Variants in PPP1R9A observed in about 807,000 individuals in gnomAD.
PPP1R9A encodes the protein neurabin-1.
In PPP1R9A, 59 loss-of-function variants were observed where a neutral mutation model predicts 141.9. That is an observed-to-expected ratio of 0.42 (90% confidence interval 0.34 to 0.52). The LOEUF (loss-of-function observed/expected upper bound fraction) is 0.52, where lower values mean the gene tolerates loss of function less well. PPP1R9A is among the 20% of genes least tolerant of loss of function. PPP1R9A has a pLI of 0.10. For missense variants in PPP1R9A, 1,444 were observed against 1,611.9 expected (o/e 0.90, Z 1.78); for synonymous variants, 500 against 569.7 (o/e 0.88, Z 1.74).
chr7:95,239,900 C>T (rs368259330), intron 8 of PPP1R9A, among the ~76,000 whole-genome samples: 7 of 151,572 alleles, frequency 4.6e-5, no homozygotes, highest in East Asian at 1.9e-4. Flanking sequence ...GGGTTCTAAG[C>T]GAGATTATTA....
At position 95,286,713 on chromosome 7, in the gene PPP1R9A, CTGAT is replaced by C. The variant is rs533497442; in HGVS notation, c.3729+392_3729+395del. 8.4e-4 allele frequency among the ~76,000 whole-genome samples: 128 copies of C among 152,174 alleles called. 2 individuals are homozygous for C. The highest frequency in any genetic ancestry group is 7.6e-3 in the Admixed American group (116 of 15,288). On this transcript the variant is annotated intron_variant, in intron 18 of 19. Transcript: ENST00000433360. ...ACTGCCTCTGATTAGGGTGAGGTCT[CTGAT>C]TGAGAATCAATAGTTTTGATAAAGA...
chr7:95,038,345 A>G (rs1808741641), intron 2 of PPP1R9A, among the ~76,000 whole-genome samples: 1 of 152,116 alleles, frequency 6.6e-6, no homozygotes, highest in African/African-American at 2.4e-5. Flanking sequence ...GGCAATTTTG[A>G]TAAATTGCTG....
At chr7:94,997,670 T>C (rs936671597) in intron 2 of PPP1R9A, among the ~76,000 whole-genome samples, 2 of 152,160 alleles carry the variant, frequency 1.3e-5, no homozygotes, top group Non-Finnish European at 2.9e-5. Flanking sequence ...TCTCATAGAA[T>C]TTTCTCCTCT....
chr7:95,123,656 A>G (rs1823032981), intron 4 of PPP1R9A, among the ~76,000 whole-genome samples: 1 of 152,096 alleles, frequency 6.6e-6, no homozygotes, highest in African/African-American at 2.4e-5. Flanking sequence ...CTCAAAAACA[A>G]AAAACAAAAA....
At chr7:95,239,623 A>T (rs1233502471) in intron 8 of PPP1R9A, among the ~76,000 whole-genome samples, 1 of 152,030 alleles carries the variant, frequency 6.6e-6, no homozygotes, top group Non-Finnish European at 1.5e-5. Flanking sequence ...AAATTTAACC[A>T]ATTTAAGTTT....
intron 2 of PPP1R9A, among the ~76,000 whole-genome samples, chr7:94,924,594 T>A (rs1473436173): frequency 6.6e-6 from 1 of 152,184 alleles, no homozygotes; most frequent in African/African-American, 2.4e-5. Flanking sequence ...TGTGGTGTGA[T>A]CTCAGCTTAC....
At chr7:95,255,291 C>T (rs1034791803) in intron 12 of PPP1R9A, among the ~76,000 whole-genome samples, 1 of 152,064 alleles carries the variant, frequency 6.6e-6, no homozygotes, top group African/African-American at 2.4e-5. Context: ...GCAATACATT[C>T]TGAGCTTCTA....
chr7:94,924,484 A>G (rs929875330), intron 2 of PPP1R9A, among the ~76,000 whole-genome samples: 1 of 152,138 alleles, frequency 6.6e-6, no homozygotes, highest in Non-Finnish European at 1.5e-5. Flanking sequence ...TACCTAATAC[A>G]ATTCTTTATT....
chr7:95,199,492 T>C (rs1789056903), intron 6 of PPP1R9A, among the ~76,000 whole-genome samples: 1 of 152,220 alleles, frequency 6.6e-6, no homozygotes, highest in African/African-American at 2.4e-5. Flanking sequence ...TTTTCACATA[T>C]TTTTAATCTG....
chr7:95,043,428 G>A (rs1438084446), intron 2 of PPP1R9A, among the ~76,000 whole-genome samples: 1 of 152,162 alleles, frequency 6.6e-6, no homozygotes, highest in South Asian at 2.1e-4. Context: ...GTTTTGTGTG[G>A]AGTCCTGATA....
intron 5 of PPP1R9A, among the ~76,000 whole-genome samples, chr7:95,175,411 A>C (rs946489858): frequency 2.0e-5 from 3 of 152,034 alleles, no homozygotes; most frequent in African/African-American, 7.2e-5. Context: ...ACTTGAGACT[A>C]TTTAGGAAAG....
rs750185837 is a variant in PPP1R9A at position 95,284,278 on chromosome 7, T to C, written c.3557T>C (p.Ile1186Thr). 34 of 1,566,936 alleles carry C rather than the reference T, an allele frequency of 2.2e-5. No homozygotes were observed. In the African/African-American group the frequency reaches 3.8e-4, roughly 17 times the overall value. ...AACCCAAATCCCTCCTCTTCTTCAA[T>C]CTTTGGAAGGCATTCTCAACTTATG... is the stretch of plus-strand genomic sequence containing the variant. ...KRNPNPSSSS[I>T]FGRHSQLMSV... The change falls in exon 17 of 20, where the codon ATC becomes ACC. Residue 1186 changes from isoleucine to threonine, a missense_variant. By Grantham distance (89) the Ile-to-Thr change is moderately conservative. Transcript: ENST00000433360.
chr7:95,057,216 A>C (rs1811621273), intron 2 of PPP1R9A, among the ~76,000 whole-genome samples: 1 of 152,120 alleles, frequency 6.6e-6, no homozygotes, highest in African/African-American at 2.4e-5. Flanking sequence ...GGGGGATTTC[A>C]AATACTGTAT....
rs1030603997 is a variant in PPP1R9A, at chr7:95,082,531, G to C, written c.1396-28728G>C. Among the ~76,000 whole-genome samples, 6 of 151,986 alleles carry C rather than the reference G, an allele frequency of 3.9e-5. 1 individual carries two copies. The highest frequency in any genetic ancestry group is 3.9e-4 in the Admixed American group (6 of 15,280). On this transcript the variant is annotated intron_variant, in intron 2 of 19. Coordinates refer to ENST00000433360, the MANE Select transcript of PPP1R9A (RefSeq NM_001166160.2). ...AAGTCAGGAGAACTGCTAGAGGCTT[G>C]GAGTGGGAGACCAGCCTGGGCAACA...
intron 2 of PPP1R9A, among the ~76,000 whole-genome samples, chr7:94,947,043 TTCTA>T (rs1322711742): frequency 2.6e-5 from 4 of 152,200 alleles, no homozygotes; most frequent in African/African-American, 4.8e-5. Flanking sequence ...TGGTCAGACA[TTCTA>T]TCTTTTTAAT....
intron 2 of PPP1R9A, among the ~76,000 whole-genome samples, chr7:94,972,813 A>G (rs1470744731): frequency 6.6e-6 from 1 of 152,218 alleles, no homozygotes; most frequent in Non-Finnish European, 1.5e-5. Context: ...TTGCCAAGTC[A>G]TGGGACCTGG....
chr7:95,175,979 G>C (rs963964827), intron 5 of PPP1R9A, among the ~76,000 whole-genome samples: 53 of 152,072 alleles, frequency 3.5e-4, no homozygotes, highest in African/African-American at 1.2e-3. Context: ...TTGCAGCTCT[G>C]ACTTGGACAG....
intron 2 of PPP1R9A, among the ~76,000 whole-genome samples, chr7:95,109,861 A>G (rs913371320): frequency 1.3e-5 from 2 of 151,862 alleles, no homozygotes; most frequent in Non-Finnish European, 2.9e-5. Flanking sequence ...GAAGAAGAAA[A>G]GAAAAAGAAA....
At chr7:95,225,728 T>C (rs17483874) in intron 7 of PPP1R9A, among the ~76,000 whole-genome samples, 19,191 of 152,236 alleles carry the variant, frequency 0.13, 1,627 homozygotes, top group Non-Finnish European at 0.2. Flanking sequence ...ATGCCACTGA[T>C]ACTAGTAGAT....
Sources: allele counts gnomAD v4.1 joint callset (sites outside exome capture counted in the v4.1 genomes callset), GRCh38; gene constraint gnomAD v4.1.1; transcripts MANE v1.5; gene names NCBI Gene and HGNC (gene_info 2026-07-23, HGNC 2026-07-21).